AFF3: variants seen among roughly 807,000 people sequenced by gnomAD.
The protein encoded by AFF3 is AF4/FMR2 family member 3.
Under a neutral mutation model 129.7 loss-of-function variants are expected in AFF3, and 32 were observed. The ratio of observed to expected loss-of-function variants is 0.25; its 90% CI spans 0.19 to 0.33. AFF3 has a LOEUF of 0.33. Among genes scored for constraint, AFF3 ranks in the 10% least tolerant of loss-of-function variants. The pLI is 1.00. For synonymous variants in AFF3, 644 were observed against 635.4 expected, an observed-to-expected ratio of 1.01 and a Z score of -0.20; for missense variants, 1,373 against 1,592.0, an observed-to-expected ratio of 0.86 and a Z score of 2.34.
At chr2:100,139,547 T>C (rs13032454) in intron 1 of AFF3, among the ~76,000 whole-genome samples, 56,773 of 151,966 alleles carry the variant, frequency 0.37, 10,877 homozygotes, top group East Asian at 0.56. Context: ...TTAGTGCAGA[T>C]AAAAACTACA....
chr2:99,675,769 C>T (rs1196563738), intron 11 of AFF3, among the ~76,000 whole-genome samples: 1 of 152,166 alleles, frequency 6.6e-6, no homozygotes, highest in Non-Finnish European at 1.5e-5. Context: ...CAGGCATGGC[C>T]GCCTTCACCA....
intron 8 of AFF3, among the ~76,000 whole-genome samples, chr2:99,775,918 G>A (rs1683868734): frequency 2.6e-5 from 4 of 152,100 alleles, no homozygotes; most frequent in Admixed American, 2.6e-4. Flanking sequence ...CACACAGAAG[G>A]AAACAAGTCA....
chr2:99,757,751 C>T (rs546458752), intron 8 of AFF3, among the ~76,000 whole-genome samples: 89 of 152,322 alleles, frequency 5.8e-4, no homozygotes, highest in African/African-American at 2.0e-3. Flanking sequence ...TTTGCACATG[C>T]TGGTAGCACC....
intron 7 of AFF3, among the ~76,000 whole-genome samples, chr2:99,860,373 G>A (rs1025466791): frequency 3.3e-5 from 5 of 152,052 alleles, no homozygotes; most frequent in Non-Finnish European, 7.4e-5. Flanking sequence ...CTAACATGGT[G>A]AAACCCCGTC....
intron 4 of AFF3, among the ~76,000 whole-genome samples, chr2:100,055,186 C>G (rs1054421347): frequency 2.0e-5 from 3 of 152,026 alleles, no homozygotes; most frequent in African/African-American, 7.2e-5. Flanking sequence ...CTGAAAGAGA[C>G]TTTTAGTACA....
At chr2:100,131,033 C>T (rs929099051) in intron 1 of AFF3, among the ~76,000 whole-genome samples, 26 of 152,118 alleles carry the variant, frequency 1.7e-4, no homozygotes, top group Non-Finnish European at 3.1e-4. Context: ...TTCTCTAGCC[C>T]CAGATTATAA....
At chr2:99,875,799 T>C (rs13031851) in intron 7 of AFF3, among the ~76,000 whole-genome samples, 58,240 of 152,054 alleles carry the variant, frequency 0.38, 11,495 homozygotes, top group East Asian at 0.54. Flanking sequence ...TGGCTCAATA[T>C]GGTCTCCCAG....
chr2:100,104,640 G>C (rs1203878853), intron 3 of AFF3, 122 bp from the exon 4 acceptor site: 1 of 893,544 alleles, frequency 1.1e-6, no homozygotes, highest in Admixed American at 7.2e-5. Flanking sequence ...GGGCCGGCCG[G>C]GCTGGCTGCA....
chr2:99,774,348 A>G (rs186994720), intron 8 of AFF3, among the ~76,000 whole-genome samples: 1 of 152,316 alleles, frequency 6.6e-6, no homozygotes, highest in East Asian at 1.9e-4. Flanking sequence ...ACTATAATAC[A>G]AGACTACAGT....
intron 7 of AFF3, among the ~76,000 whole-genome samples, chr2:100,003,845 T>C (rs142070080): frequency 6.6e-6 from 1 of 152,322 alleles, no homozygotes; most frequent in African/African-American, 2.4e-5. Context: ...GAGGGAATTT[T>C]CCTAGGGCTA....
At chr2:99,865,785 C>A (rs988601511) in intron 7 of AFF3, among the ~76,000 whole-genome samples, 1 of 152,198 alleles carries the variant, frequency 6.6e-6, no homozygotes, top group Admixed American at 6.5e-5. Context: ...CAGGAAGTCA[C>A]TGACAGCATT....
In AFF3 at chr2:99,991,019, G is replaced by A. The variant is rs113820661; in HGVS notation, c.873+15613C>T. Among the ~76,000 whole-genome samples, 289 of 152,176 alleles carry A rather than the reference G, an allele frequency of 1.9e-3. 1 individual carries two copies. The highest frequency in any genetic ancestry group is 3.3e-3 in the South Asian group (16 of 4,820). ...GAACCACAGGCTCAAATGAGGCCCCGCTGCATCCAACCTTCACGAACCTTT... is the reference window on the plus strand; with the variant it reads ...GAACCACAGGCTCAAATGAGGCCCCACTGCATCCAACCTTCACGAACCTTT... On this transcript the variant is annotated intron_variant, in intron 7 of 24. Coordinates refer to ENST00000672756, the MANE Select transcript of AFF3 (RefSeq NM_001386135.1).
chr2:99,822,015 A>C (rs1371550911), intron 8 of AFF3, among the ~76,000 whole-genome samples: 1 of 152,180 alleles, frequency 6.6e-6, no homozygotes, highest in Non-Finnish European at 1.5e-5. Flanking sequence ...TCCTTCTTAC[A>C]TTTTGGAAAT....
chr2:99,881,129 C>T (rs1692680744), intron 7 of AFF3, among the ~76,000 whole-genome samples: 1 of 152,122 alleles, frequency 6.6e-6, no homozygotes, highest in East Asian at 1.9e-4. Context: ...CTCTATACTT[C>T]ATGGAAGTTA....
rs781358977 is a variant in AFF3, at chr2:99,593,724, G to A, written c.1937C>T (p.Thr646Ile). The change falls in exon 15 of 25, where the codon ACC becomes ATC. Residue 646 changes from threonine (T) to isoleucine (I), a missense_variant. Thr to Ile is a moderately conservative substitution (Grantham distance 89, BLOSUM62 -1). Transcript: ENST00000672756. ...SHRKELRSSV[T>I]CEKRRTRGLS... The stretch of plus-strand genomic sequence containing the variant: ...CCCCCGCGTGCGGCGCTTCTCGCAG[G>A]TCACGGAGGAGCGCAGCTCCTTGCG... 2 of 1,612,486 alleles carry A rather than the reference G, an allele frequency of 1.2e-6. No homozygotes were observed. The highest frequency in any genetic ancestry group is 1.7e-6 in the Non-Finnish European group (2 of 1,179,418).
At chr2:99,615,918 C>T (rs574052169) in intron 13 of AFF3, among the ~76,000 whole-genome samples, 10 of 152,198 alleles carry the variant, frequency 6.6e-5, no homozygotes, top group Non-Finnish European at 7.4e-5. Flanking sequence ...AGCTCCTACT[C>T]GATGGCTTTT....
At chr2:99,921,475 G>A (rs562472193) in intron 7 of AFF3, among the ~76,000 whole-genome samples, 1 of 152,180 alleles carries the variant, frequency 6.6e-6, no homozygotes, top group South Asian at 2.1e-4. Context: ...AACAAAGTCT[G>A]TAGTTTACTT....
chr2:100,124,858 C>A (rs1692120897), intron 2 of AFF3, among the ~76,000 whole-genome samples: 1 of 152,054 alleles, frequency 6.6e-6, no homozygotes, highest in African/African-American at 2.4e-5. Context: ...TAAAATGTGG[C>A]AAAATTAGAG....
At chr2:99,719,543 T>C (rs1300422870) in intron 11 of AFF3, among the ~76,000 whole-genome samples, 1 of 152,230 alleles carries the variant, frequency 6.6e-6, no homozygotes, top group African/African-American at 2.4e-5. Context: ...GTTCATTTGT[T>C]GGTGTTCCAT....
Sources: gnomAD v4.1 joint callset for allele counts (sites outside exome capture counted in the v4.1 genomes callset) on GRCh38, gnomAD v4.1.1 for gene constraint, MANE v1.5 for transcripts, NCBI Gene and HGNC (gene_info 2026-07-23, HGNC 2026-07-21) for gene names.